DOCK5: variants seen among roughly 807,000 people sequenced by gnomAD.
DOCK5 encodes the protein dedicator of cytokinesis 5.
Under a neutral mutation model 251.8 loss-of-function variants are expected in DOCK5, and 142 were observed. The observed-to-expected ratio is 0.56, with a 90% confidence interval of 0.49 to 0.65. DOCK5 has a LOEUF of 0.65. DOCK5 is among the 30% of genes least tolerant of loss of function. The pLI is 0.00. For missense variants in DOCK5, 2,111 were observed against 2,312.3 expected (o/e 0.91, Z 1.79); for synonymous variants, 842 against 835.5 (o/e 1.01, Z -0.13).
chr8:25,201,897 G>A (rs899703869), intron 1 of DOCK5, among the ~76,000 whole-genome samples: 58 of 152,102 alleles, frequency 3.8e-4, no homozygotes, highest in African/African-American at 1.4e-3. Context: ...ATACTGGTTG[G>A]CTCAGAACCT....
chr8:25,230,085 C>T (rs1802630891), intron 1 of DOCK5, among the ~76,000 whole-genome samples: 1 of 152,078 alleles, frequency 6.6e-6, no homozygotes, highest in South Asian at 2.1e-4. Flanking sequence ...AGTCTGAGTC[C>T]AGAGCTGGTG....
At chr8:25,220,128 T>TG (rs1199737800) in intron 1 of DOCK5, among the ~76,000 whole-genome samples, 1 of 152,144 alleles carries the variant, frequency 6.6e-6, no homozygotes, top group East Asian at 1.9e-4. Flanking sequence ...CTCTAATACT[T>TG]GCACTGCCTC....
At chr8:25,361,563 G>A (rs867464098) in intron 28 of DOCK5, among the ~76,000 whole-genome samples, 4 of 152,176 alleles carry the variant, frequency 2.6e-5, no homozygotes, top group South Asian at 2.1e-4. Flanking sequence ...GCAGTAAGTC[G>A]AGATTGTGCC....
chr8:25,192,465 A>G (rs973231505), intron 1 of DOCK5, among the ~76,000 whole-genome samples: 1 of 152,184 alleles, frequency 6.6e-6, no homozygotes, highest in African/African-American at 2.4e-5. Flanking sequence ...ACTGTGTAGC[A>G]GCTTCAGGGC....
intron 11 of DOCK5, 60 bp downstream of exon 11, chr8:25,304,387 T>G (rs1037599013): frequency 3.1e-5 from 44 of 1,434,252 alleles, no homozygotes; most frequent in Admixed American, 2.7e-4. Context: ...TTCAATTGTC[T>G]TTTAACACAG....
At chr8:25,337,973 T>C (rs1805856910) in intron 22 of DOCK5, among the ~76,000 whole-genome samples, 1 of 152,194 alleles carries the variant, frequency 6.6e-6, no homozygotes, top group Non-Finnish European at 1.5e-5. Context: ...GAAATATGTA[T>C]AGTAAAGAAG....
intron 5 of DOCK5, among the ~76,000 whole-genome samples, chr8:25,286,816 A>G (rs1804346958): frequency 6.6e-6 from 1 of 152,066 alleles, no homozygotes; most frequent in Non-Finnish European, 1.5e-5. Flanking sequence ...GGCGTGCACC[A>G]CCACATCTGG....
At chr8:25,270,666 A>G (rs919488010) in intron 3 of DOCK5, 2 of 420,648 alleles carry the variant, frequency 4.8e-6, no homozygotes, top group African/African-American at 4.0e-5. Context: ...CGTTCAACCA[A>G]GGTCCTAGAT....
intron 38 of DOCK5, among the ~76,000 whole-genome samples, chr8:25,379,579 G>A (rs1470079053): frequency 6.6e-6 from 1 of 152,084 alleles, no homozygotes; most frequent in African/African-American, 2.4e-5. Flanking sequence ...CAATCAATTT[G>A]TACAGTTAAC....
In DOCK5 at chr8:25,342,022, C is replaced by T. The variant is rs376763420; in HGVS notation, c.2510+213C>T. Among the ~76,000 whole-genome samples, 33 of 152,272 alleles carry T rather than the reference C, an allele frequency of 2.2e-4. No homozygotes were observed. The South Asian group carries it at 6.8e-3, about 32-fold the overall frequency. ...TCTCTGGGAAAACAAGACATGCAGACATAAAATCGATTACAAAAGATAGTG... is the reference window on the plus strand; with the variant it reads ...TCTCTGGGAAAACAAGACATGCAGATATAAAATCGATTACAAAAGATAGTG... On this transcript the variant is annotated intron_variant, in intron 24 of 51. Transcript: ENST00000276440.
intron 2 of DOCK5, among the ~76,000 whole-genome samples, chr8:25,252,914 C>T (rs974761719): frequency 6.6e-6 from 1 of 152,160 alleles, no homozygotes; most frequent in African/African-American, 2.4e-5. Context: ...TCACTACAAC[C>T]TCTGCCTGCT....
Position 25,366,855 on chromosome 8 carries a change from A to G in DOCK5, c.3124-15A>G. 1.2e-6 allele frequency: 2 copies of G among 1,607,404 alleles called. No individual in the cohort carries two copies. The highest frequency in any genetic ancestry group is 1.7e-6 in the Non-Finnish European group (2 of 1,174,700). ...TTTTTCATTTCCCTTTACCCACACA[A>G]TTAATTTTGAACAGCTCTGGAACAA... is the stretch of plus-strand genomic sequence containing the variant. On this transcript the variant is annotated splice_polypyrimidine_tract_variant and intron_variant, in intron 30 of 51. Coordinates refer to ENST00000276440, the MANE Select transcript of DOCK5 (RefSeq NM_024940.8).
chr8:25,319,884 G>A lies in DOCK5; in HGVS notation c.1542+208G>A, dbSNP rs369230506. ...TCAGTGATGTATGAGAATTTGAATA[G>A]CAAAGCTTGTGGTTGACGTGATGGA... On this transcript the variant is annotated intron_variant, in intron 15 of 51. Coordinates refer to ENST00000276440, the MANE Select transcript of DOCK5 (RefSeq NM_024940.8). Among the ~76,000 whole-genome samples, 10 of 152,320 alleles carry A rather than the reference G, an allele frequency of 6.6e-5. No homozygotes were observed. The South Asian group carries it at 1.7e-3, about 25-fold the overall frequency.
At chr8:25,348,785 C>T (rs1800413963) in intron 26 of DOCK5, among the ~76,000 whole-genome samples, 1 of 151,452 alleles carries the variant, frequency 6.6e-6, no homozygotes, top group African/African-American at 2.4e-5. Context: ...TTGCAGTGAG[C>T]CAAGATCACA....
At chr8:25,239,353 G>GTGTA (rs1285444180) in intron 1 of DOCK5, among the ~76,000 whole-genome samples, 1 of 151,240 alleles carries the variant, frequency 6.6e-6, no homozygotes. Context: ...GTGTGTGTGT[G>GTGTA]TGTGTGTGTG....
intron 1 of DOCK5, among the ~76,000 whole-genome samples, chr8:25,232,740 G>A (rs1455450472): frequency 2.0e-5 from 3 of 152,048 alleles, no homozygotes; most frequent in Admixed American, 6.6e-5. Flanking sequence ...TACTATGGGC[G>A]TAGATTTCAA....
chr8:25,314,109 T>TTTA (rs1805172272), intron 13 of DOCK5, among the ~76,000 whole-genome samples: 1 of 4,638 alleles, frequency 2.2e-4, no homozygotes, highest in African/African-American at 5.4e-4. Context: ...GACTCCCCTC[T>TTTA]TTTTTTTTTT....
chr8:25,376,663 A>G lies in DOCK5; in HGVS notation c.3817-642A>G, dbSNP rs143617730. 1,137 of 153,548 alleles carry G rather than the reference A, an allele frequency of 7.4e-3. 23 individuals are homozygous for G. Among genetic ancestry groups the G allele is most frequent in the African/African-American group, 0.026 (1,096 of 41,604 alleles). 9.5% of individuals were successfully genotyped at this position (153,548 alleles called of 1,614,324 possible). ...AAATAGAATTTTCTTATCCAAAAGC[A>G]TGGTATGACTTTCCATTTGTTCGAG... On this transcript the variant is annotated intron_variant, in intron 37 of 51. Transcript: ENST00000276440.
intron 1 of DOCK5, 80 bp from the exon 2 acceptor site, chr8:25,243,594 G>A (rs2117546531): frequency 7.4e-7 from 1 of 1,352,962 alleles, no homozygotes; most frequent in East Asian, 2.5e-5. Flanking sequence ...CTCTCAAAGT[G>A]CTGAGATTAT....
Sources: allele counts gnomAD v4.1 joint callset (sites outside exome capture counted in the v4.1 genomes callset), GRCh38; gene constraint gnomAD v4.1.1; transcripts MANE v1.5; gene names NCBI Gene and HGNC (gene_info 2026-07-23, HGNC 2026-07-21).